Variants in PAWR observed in about 807,000 individuals in gnomAD.
PAWR encodes PRKC apoptosis WT1 regulator protein.
In PAWR, 23 loss-of-function variants were observed where a neutral mutation model predicts 32.0. That is an observed-to-expected ratio of 0.72 (90% CI 0.52 to 1.02). The LOEUF (loss-of-function observed/expected upper bound fraction) is 1.02. PAWR is among the 50% of genes least tolerant of loss of function. The probability of loss-of-function intolerance (pLI) is 0.00; values close to 1 mark genes in which losing one functional copy is unlikely to be tolerated. For synonymous variants in PAWR, 226 were observed against 187.1 expected, an observed-to-expected ratio of 1.21 and a Z score of -1.70; for missense variants, 457 against 437.7, an observed-to-expected ratio of 1.04 and a Z score of -0.39.
chr12:79,630,032 T>C (rs1340034031), intron 2 of PAWR, among the ~76,000 whole-genome samples: 1 of 151,760 alleles, frequency 6.6e-6, no homozygotes, highest in Non-Finnish European at 1.5e-5. Context: ...CTCAAATCAA[T>C]GATCAAGGCT....
chr12:79,637,098 CTG>C (rs1452204920), intron 2 of PAWR, among the ~76,000 whole-genome samples: 1 of 152,162 alleles, frequency 6.6e-6, no homozygotes, highest in Non-Finnish European at 1.5e-5. Flanking sequence ...AGTTCAAAAA[CTG>C]TGACTGCCCA....
At chr12:79,630,033 G>A (rs1875531610) in intron 2 of PAWR, among the ~76,000 whole-genome samples, 1 of 151,688 alleles carries the variant, frequency 6.6e-6, no homozygotes. Context: ...TCAAATCAAT[G>A]ATCAAGGCTT....
At chr12:79,666,151 C>G (rs1033497325) in intron 2 of PAWR, among the ~76,000 whole-genome samples, 3 of 152,154 alleles carry the variant, frequency 2.0e-5, no homozygotes, top group African/African-American at 7.2e-5. Flanking sequence ...CCTTCCTTCA[C>G]TTGTTAAGTG....
chr12:79,659,604 C>T (rs1877255554), intron 2 of PAWR, among the ~76,000 whole-genome samples: 1 of 152,020 alleles, frequency 6.6e-6, no homozygotes, highest in Admixed American at 6.6e-5. Context: ...CATGGCAAAT[C>T]CCATTTTACA....
chr12:79,684,852 T>C (rs917345866), intron 2 of PAWR, among the ~76,000 whole-genome samples: 3 of 152,222 alleles, frequency 2.0e-5, no homozygotes, highest in African/African-American at 7.2e-5. Flanking sequence ...AAACTAGGTA[T>C]ACAGTATGTA....
intron 3 of PAWR, among the ~76,000 whole-genome samples, chr12:79,619,743 T>G (rs1874913143): frequency 6.6e-6 from 1 of 152,208 alleles, no homozygotes; most frequent in Admixed American, 6.5e-5. Flanking sequence ...TACAACTGAT[T>G]TCAAATATAC....
chr12:79,642,848 C>G (rs1876395735), intron 2 of PAWR, among the ~76,000 whole-genome samples: 1 of 152,132 alleles, frequency 6.6e-6, no homozygotes, highest in South Asian at 2.1e-4. Flanking sequence ...AACATCGTTT[C>G]TGTTAACAGC....
At chr12:79,637,228 C>T (rs1876003445) in intron 2 of PAWR, among the ~76,000 whole-genome samples, 1 of 152,018 alleles carries the variant, frequency 6.6e-6, no homozygotes, top group African/African-American at 2.4e-5. Context: ...AATTACAAAC[C>T]ATGTGTGTGG....
intron 2 of PAWR, among the ~76,000 whole-genome samples, chr12:79,686,485 T>C (rs1217590937): frequency 6.6e-6 from 1 of 152,154 alleles, no homozygotes; most frequent in Non-Finnish European, 1.5e-5. Context: ...GGGGAACTTA[T>C]AAAAATATTA....
At chr12:79,650,973 A>G (rs1213253428) in intron 2 of PAWR, among the ~76,000 whole-genome samples, 3 of 152,206 alleles carry the variant, frequency 2.0e-5, no homozygotes, top group Non-Finnish European at 4.4e-5. Context: ...ATCTTGTGGG[A>G]CTCAATACAG....
chr12:79,613,581 T>C lies in PAWR; in HGVS notation c.677A>G (p.Tyr226Cys). Reference protein sequence around the residue: ...QEPPRTVSGRYKSTTSVSEED... With the variant: ...QEPPRTVSGRCKSTTSVSEED... ...AAGTCATAAGGATTCTTACCTTTTATATCTGCCTGAAACTGTTCTAGGTGG... is the reference window on the plus strand; with the variant it reads ...AAGTCATAAGGATTCTTACCTTTTACATCTGCCTGAAACTGTTCTAGGTGG... The change falls in exon 4 of 7, where the codon TAT becomes TGT. Residue 226 changes from tyrosine (Y) to cysteine (C), a missense_variant. Tyr to Cys is a radical substitution (Grantham distance 194, BLOSUM62 -2). Coordinates refer to ENST00000328827, the MANE Select transcript of PAWR (RefSeq NM_002583.4). The C allele has an allele frequency of 1.9e-6, 3 of 1,540,898 alleles. No individual in the cohort carries two copies. The highest frequency in any genetic ancestry group is 2.7e-6 in the Non-Finnish European group (3 of 1,118,918).
Position 79,652,909 on chromosome 12 carries a change from T to C in PAWR, c.517-31702A>G, listed in dbSNP as rs1335543350. The stretch of plus-strand genomic sequence containing the variant: ...CTTCAATTCAATTAAAAATATAGTT[T>C]TCTACGTATTTATGGTCATAGCTTT... On this transcript the variant is annotated intron_variant, in intron 2 of 6. Coordinates refer to ENST00000328827, the MANE Select transcript of PAWR (RefSeq NM_002583.4). Among the ~76,000 whole-genome samples, 3 of 152,358 alleles carry C rather than the reference T, an allele frequency of 2.0e-5. No homozygotes were observed. The East Asian group carries it at 5.8e-4, about 29-fold the overall frequency.
At chr12:79,650,704 T>A (rs1876800595) in intron 2 of PAWR, among the ~76,000 whole-genome samples, 1 of 115,484 alleles carries the variant, frequency 8.7e-6, no homozygotes, top group Non-Finnish European at 1.8e-5. Context: ...CAACAGAGCT[T>A]AAAGGTTATT....
chr12:79,657,516 G>A (rs369017830), intron 2 of PAWR, among the ~76,000 whole-genome samples: 2 of 152,098 alleles, frequency 1.3e-5, no homozygotes, highest in Admixed American at 6.6e-5. Flanking sequence ...AAGAAGGGCC[G>A]CGCGGTGGCT....
At chr12:79,602,878 T>C (rs897472496) in intron 4 of PAWR, among the ~76,000 whole-genome samples, 3 of 150,766 alleles carry the variant, frequency 2.0e-5, no homozygotes, top group Non-Finnish European at 4.4e-5. Flanking sequence ...AGATAATAAG[T>C]GAAGTCATCG....
At chr12:79,666,666 A>G (rs927068649) in intron 2 of PAWR, among the ~76,000 whole-genome samples, 1 of 152,242 alleles carries the variant, frequency 6.6e-6, no homozygotes, top group South Asian at 2.1e-4. Context: ...AATGTTAAAC[A>G]GTGGACCAAT....
intron 2 of PAWR, among the ~76,000 whole-genome samples, chr12:79,677,872 C>A (rs1878244540): frequency 6.6e-6 from 1 of 152,124 alleles, no homozygotes; most frequent in Non-Finnish European, 1.5e-5. Context: ...AAGTGCAGGG[C>A]AAAGTACAAA....
In PAWR at chr12:79,689,813, G is replaced by C. The variant is rs1208548490; in HGVS notation, c.432C>G (p.Ala144=). The C allele has an allele frequency of 1.3e-6, 2 of 1,595,142 alleles. No individual in the cohort carries two copies. The highest frequency in any genetic ancestry group is 2.3e-5 in the South Asian group (2 of 87,762). The change falls in exon 2 of 7, where the codon GCC becomes GCG. Residue 144 remains alanine (A), a synonymous_variant. Transcript: ENST00000328827. ...PEKGKSSGPS[A]RKGKGQIEKR... Reference sequence around the variant, plus strand: ...TCTCGATCTGCCCCTTGCCTTTCCTGGCACTGGGGCCCGAGCTCTTGCCCT... The same window carrying C: ...TCTCGATCTGCCCCTTGCCTTTCCTCGCACTGGGGCCCGAGCTCTTGCCCT...
At chr12:79,648,802 A>C (rs1484190161) in intron 2 of PAWR, among the ~76,000 whole-genome samples, 2 of 151,576 alleles carry the variant, frequency 1.3e-5, no homozygotes, top group African/African-American at 2.4e-5. Flanking sequence ...AGAAAAAAAA[A>C]AATAAAAAAA....
Sources: gnomAD v4.1 joint callset for allele counts (sites outside exome capture counted in the v4.1 genomes callset) on GRCh38, gnomAD v4.1.1 for gene constraint, MANE v1.5 for transcripts, NCBI Gene and HGNC (gene_info 2026-07-23, HGNC 2026-07-21) for gene names.